BICC1: variants seen among roughly 807,000 people sequenced by gnomAD.
BICC1 encodes the protein protein bicaudal C homolog 1.
In BICC1, 43 loss-of-function variants were observed where a neutral mutation model predicts 111.0. The ratio of observed to expected loss-of-function variants is 0.39; its 90% CI spans 0.30 to 0.50. The LOEUF is 0.50. Among genes scored for constraint, BICC1 ranks in the 20% least tolerant of loss-of-function variants. The pLI, the probability that BICC1 is intolerant of heterozygous loss-of-function variation, is 0.88. For synonymous variants in BICC1, 467 were observed against 434.4 expected, an observed-to-expected ratio of 1.07 and a Z score of -0.93; for missense variants, 1,091 against 1,203.2, an observed-to-expected ratio of 0.91 and a Z score of 1.38.
intron 2 of BICC1, among the ~76,000 whole-genome samples, chr10:58,701,126 G>A (rs1458047156): frequency 2.0e-5 from 3 of 152,072 alleles, no homozygotes; most frequent in Admixed American, 1.3e-4. Context: ...ATGTGTTTAG[G>A]TTGTTTTCAC....
In BICC1 at chr10:58,808,736, G is replaced by A. The variant is rs184515420; in HGVS notation, c.2376+1578G>A. The stretch of plus-strand genomic sequence containing the variant: ...AAAAAAATTTTTTTTTTTTTTTGAC[G>A]TGGAGTCTCACTCAACCCCCCTAAG... On this transcript the variant is annotated intron_variant, in intron 17 of 20. Transcript: ENST00000373886. 4.6e-5 allele frequency among the ~76,000 whole-genome samples: 6 copies of A among 131,242 alleles called. No homozygotes were observed. In the East Asian group the frequency reaches 6.8e-4, roughly 15 times the overall value. The allele number at this position is 131,242 out of a possible 152,430, so 86.1% of individuals were successfully genotyped here. A position where few individuals can be genotyped will look rare whatever the true frequency, so the allele number is the denominator to read the frequency against.
intron 2 of BICC1, among the ~76,000 whole-genome samples, chr10:58,633,999 T>C (rs1564523297): frequency 2.0e-5 from 3 of 147,360 alleles, no homozygotes; most frequent in East Asian, 2.0e-4. Flanking sequence ...TCTTTTCTTT[T>C]TTTTTTTTTT....
At chr10:58,777,644 C>T (rs1051620860) in intron 3 of BICC1, among the ~76,000 whole-genome samples, 6 of 152,054 alleles carry the variant, frequency 3.9e-5, no homozygotes, top group Non-Finnish European at 5.9e-5. Context: ...AGGAATTTGC[C>T]ATACTTGGTT....
chr10:58,533,974 T>C (rs1564475042), intron 1 of BICC1, among the ~76,000 whole-genome samples: 1 of 151,766 alleles, frequency 6.6e-6, no homozygotes, highest in Non-Finnish European at 1.5e-5. Flanking sequence ...TCAAAAGACA[T>C]ACAGTGGCTG....
At chr10:58,692,211 G>T (rs1839931315) in intron 2 of BICC1, among the ~76,000 whole-genome samples, 1 of 152,104 alleles carries the variant, frequency 6.6e-6, no homozygotes, top group Non-Finnish European at 1.5e-5. Flanking sequence ...CCTCTGATGG[G>T]GAGAGTTTTG....
chr10:58,733,001 T>G (rs557723126), intron 3 of BICC1, among the ~76,000 whole-genome samples: 1 of 136,358 alleles, frequency 7.3e-6, no homozygotes, highest in African/African-American at 2.8e-5. Flanking sequence ...GATGCACGAT[T>G]TCCACAAACC....
At chr10:58,656,844 C>T (rs995494065) in intron 2 of BICC1, among the ~76,000 whole-genome samples, 65 of 152,274 alleles carry the variant, frequency 4.3e-4, no homozygotes, top group African/African-American at 1.1e-3. Context: ...ACTCTACCAG[C>T]GGAACTTCCG....
At chr10:58,527,925 T>C (rs1382495897) in intron 1 of BICC1, among the ~76,000 whole-genome samples, 2 of 151,956 alleles carry the variant, frequency 1.3e-5, no homozygotes, top group African/African-American at 4.8e-5. Flanking sequence ...AGTTTCTCCC[T>C]TTACAAAACA....
At chr10:58,526,695 T>TG (rs1201769914) in intron 1 of BICC1, among the ~76,000 whole-genome samples, 1 of 152,188 alleles carries the variant, frequency 6.6e-6, no homozygotes, top group Non-Finnish European at 1.5e-5. Context: ...TTTCTGTCCT[T>TG]GCGATAGTTT....
At chr10:58,574,670 A>C (rs1844056105) in intron 1 of BICC1, among the ~76,000 whole-genome samples, 1 of 152,132 alleles carries the variant, frequency 6.6e-6, no homozygotes, top group African/African-American at 2.4e-5. Flanking sequence ...ATTGATGTTG[A>C]CTATATTTTC....
At chr10:58,707,005 G>T (rs1564566054) in intron 3 of BICC1, among the ~76,000 whole-genome samples, 1 of 152,174 alleles carries the variant, frequency 6.6e-6, no homozygotes, top group African/African-American at 2.4e-5. Context: ...CCCTGCAAGT[G>T]GTCCTTGCAT....
chr10:58,512,670 G>A (rs922770093), upstream of BICC1, among the ~76,000 whole-genome samples: 1 of 152,042 alleles, frequency 6.6e-6, no homozygotes, highest in Non-Finnish European at 1.5e-5. Flanking sequence ...TGTATGGAAA[G>A]GATTTATACG....
At chr10:58,527,093 T>C (rs1842564111) in intron 1 of BICC1, among the ~76,000 whole-genome samples, 2 of 152,210 alleles carry the variant, frequency 1.3e-5, no homozygotes, top group Admixed American at 1.3e-4. Flanking sequence ...GCACCTGTTG[T>C]TTCCTGACTT....
At chr10:58,619,200 G>T (rs1588936638) in intron 1 of BICC1, among the ~76,000 whole-genome samples, 1 of 152,070 alleles carries the variant, frequency 6.6e-6, no homozygotes, top group African/African-American at 2.4e-5. Context: ...GAACACCTTT[G>T]CTAGGAGTCA....
intron 3 of BICC1, among the ~76,000 whole-genome samples, chr10:58,771,652 G>A (rs1055630561): frequency 6.6e-6 from 1 of 152,138 alleles, no homozygotes; most frequent in Non-Finnish European, 1.5e-5. Flanking sequence ...AGGAACAGAA[G>A]CATCAAGATA....
At position 58,719,931 on chromosome 10, in the gene BICC1, A is replaced by T. The variant is rs368507917; in HGVS notation, c.307+17788A>T. Among the ~76,000 whole-genome samples the T allele has an allele frequency of 1.2e-4, 18 of 152,342 alleles. No homozygotes were observed. The East Asian group carries it at 2.7e-3, about 23-fold the overall frequency. On this transcript the variant is annotated intron_variant, in intron 3 of 20. Coordinates refer to ENST00000373886, the MANE Select transcript of BICC1 (RefSeq NM_001080512.3). ...TCTTGCAGAATATAAATAATCAGAC[A>T]AGCCTACTTCTTGAGTATGTCTGAA...
intron 1 of BICC1, among the ~76,000 whole-genome samples, chr10:58,610,576 C>T (rs529511193): frequency 1.3e-5 from 2 of 151,390 alleles, no homozygotes; most frequent in African/African-American, 4.8e-5. Flanking sequence ...ATTGGCCCAT[C>T]CTCTTGTCCC....
chr10:58,742,468 C>T (rs944913933), intron 3 of BICC1, among the ~76,000 whole-genome samples: 8 of 126,494 alleles, frequency 6.3e-5, no homozygotes, highest in African/African-American at 2.4e-4. Flanking sequence ...GATGGAATCT[C>T]ACTCTGTTGC....
chr10:58,606,278 T>TA (rs1845209119), intron 1 of BICC1, among the ~76,000 whole-genome samples: 1 of 152,054 alleles, frequency 6.6e-6, no homozygotes, highest in African/African-American at 2.4e-5. Flanking sequence ...CCCCTACTAA[T>TA]ATATGGAATC....
Sources: gnomAD v4.1 joint callset for allele counts (sites outside exome capture counted in the v4.1 genomes callset) on GRCh38, gnomAD v4.1.1 for gene constraint, MANE v1.5 for transcripts, NCBI Gene and HGNC (gene_info 2026-07-23, HGNC 2026-07-21) for gene names.